The following MYO1E variants were observed in gnomAD, a reference collection of about 807,000 sequenced individuals.
MYO1E encodes the protein unconventional myosin-Ie.
Under a neutral mutation model 151.1 loss-of-function variants are expected in MYO1E, and 68 were observed. The observed-to-expected ratio is 0.45, with a 90% confidence interval of 0.37 to 0.55. The LOEUF is 0.55. Among genes scored for constraint, MYO1E ranks in the 20% least tolerant of loss-of-function variants. The pLI is 0.00. For missense variants in MYO1E, 1,363 were observed against 1,389.3 expected, an observed-to-expected ratio of 0.98 and a Z score of 0.30; for synonymous variants, 601 against 501.7, an observed-to-expected ratio of 1.20 and a Z score of -2.64.
intron 1 of MYO1E, chr15:59,341,253 A>G (rs1340735496): frequency 6.6e-6 from 1 of 152,138 alleles, no homozygotes; most frequent in Non-Finnish European, 1.5e-5. Flanking sequence ...TAAATGCACA[A>G]ATTATTATTG....
At chr15:59,324,618 G>A (rs2080650849) in intron 1 of MYO1E, among the ~76,000 whole-genome samples, 1 of 151,512 alleles carries the variant, frequency 6.6e-6, no homozygotes, top group African/African-American at 2.4e-5. Flanking sequence ...CTGAAACCCA[G>A]GTGGGAGAAA....
At chr15:59,163,103 T>C (rs1435273680) in intron 23 of MYO1E, 54 bp downstream of exon 23, 11 of 1,600,852 alleles carry the variant, frequency 6.9e-6, no homozygotes, top group Middle Eastern at 1.7e-4. Context: ...AGGGGTGCGA[T>C]CAAGACCCCT....
intron 24 of MYO1E, among the ~76,000 whole-genome samples, chr15:59,160,066 C>T (rs1463495885): frequency 6.6e-6 from 1 of 152,102 alleles, no homozygotes; most frequent in African/African-American, 2.4e-5. Flanking sequence ...AAACTCCTGA[C>T]CTCAGGTAGT....
intron 1 of MYO1E, among the ~76,000 whole-genome samples, chr15:59,331,139 A>C (rs1439554393): frequency 6.6e-6 from 1 of 152,158 alleles, no homozygotes; most frequent in East Asian, 1.9e-4. Flanking sequence ...GGCAGAGTTG[A>C]GTAGCTGTGA....
At chr15:59,139,390 T>G (rs1439783803) in intron 26 of MYO1E, among the ~76,000 whole-genome samples, 3 of 144,914 alleles carry the variant, frequency 2.1e-5, no homozygotes, top group African/African-American at 7.8e-5. Context: ...CTCATCACAC[T>G]TCCCTCCCAT....
chr15:59,222,986 A>G (rs537179140), intron 9 of MYO1E, 73 bp downstream of exon 9: 1 of 1,594,620 alleles, frequency 6.3e-7, no homozygotes, highest in East Asian at 2.2e-5. Flanking sequence ...ATCTAAGCAA[A>G]GGAAAGTGCT....
At chr15:59,344,343 G>A (rs1288641040) in intron 1 of MYO1E, among the ~76,000 whole-genome samples, 10 of 152,322 alleles carry the variant, frequency 6.6e-5, no homozygotes, top group African/African-American at 2.4e-4. Context: ...AGAGACTCTT[G>A]TTCTTTTCCT....
intron 1 of MYO1E, among the ~76,000 whole-genome samples, chr15:59,347,678 T>C (rs1330706045): frequency 6.6e-6 from 1 of 151,930 alleles, no homozygotes; most frequent in Non-Finnish European, 1.5e-5. Flanking sequence ...TAGAAACATA[T>C]GATAGATATG....
chr15:59,333,234 CTTTCTT>C lies in MYO1E; in HGVS notation c.3+39258_3+39263del, dbSNP rs201650961. On this transcript the variant is annotated intron_variant, in intron 1 of 27. Transcript: ENST00000288235. Reference sequence around the variant, plus strand: ...ATCCAGCTTCATCACTATCTACTTTCTTTCTTTTTCTTTTTCTTTTTTGGAGACAGG... The same window carrying C: ...ATCCAGCTTCATCACTATCTACTTTCTTTCTTTTTCTTTTTTGGAGACAGG... Among the ~76,000 whole-genome samples, 934 of 152,132 alleles carry C rather than the reference CTTTCTT, an allele frequency of 6.1e-3. 6 individuals are homozygous for C. Among genetic ancestry groups the C allele is most frequent in the African/African-American group, 0.022 (903 of 41,512 alleles).
chr15:59,146,130 C>A (rs534299489), intron 26 of MYO1E, among the ~76,000 whole-genome samples: 2 of 152,310 alleles, frequency 1.3e-5, no homozygotes, highest in South Asian at 4.1e-4. Context: ...GGCCATCCTC[C>A]TGCTTTAGCT....
intron 26 of MYO1E, among the ~76,000 whole-genome samples, chr15:59,140,101 C>T (rs1175558236): frequency 6.6e-6 from 1 of 151,792 alleles, no homozygotes; most frequent in African/African-American, 2.4e-5. Flanking sequence ...GGGGTGGGTG[C>T]GGGAGGCTGT....
chr15:59,359,718 G>A (rs1311227869), intron 1 of MYO1E: 6 of 152,244 alleles, frequency 3.9e-5, no homozygotes, highest in South Asian at 2.1e-4. Context: ...TGGGACTGTA[G>A]GGTGGGGAAC....
intron 1 of MYO1E, among the ~76,000 whole-genome samples, chr15:59,339,141 A>T (rs1250355322): frequency 3.9e-5 from 6 of 152,356 alleles, no homozygotes; most frequent in African/African-American, 1.4e-4. Flanking sequence ...CAAAAAAAGA[A>T]AATGTCAATG....
chr15:59,201,416 T>C (rs1201403758), intron 16 of MYO1E, among the ~76,000 whole-genome samples: 1 of 151,228 alleles, frequency 6.6e-6, no homozygotes, highest in East Asian at 1.9e-4. Flanking sequence ...TTTTTTTTTT[T>C]TTTTTGAGAT....
At position 59,135,271 on chromosome 15, in the gene MYO1E, C is replaced by T. The variant is rs1016617095; in HGVS notation, c.*2109G>A. ...TTTTGTGACCTAGAGCCCGATGGTT[C>T]CCAGTTACACACAAGTGTAAAATGC... On this transcript the variant is annotated 3_prime_UTR_variant, in exon 28 of 28. Coordinates refer to ENST00000288235, the MANE Select transcript of MYO1E (RefSeq NM_004998.4). The T allele has an allele frequency of 3.9e-5, 6 of 152,168 alleles. No homozygotes were observed. Among genetic ancestry groups the T allele is most frequent in the African/African-American group, 1.2e-4 (5 of 41,426 alleles). The allele number at this position is 152,168 out of a possible 1,614,324, so 9.4% of individuals were successfully genotyped here. A position where few individuals can be genotyped will look rare whatever the true frequency, so the allele number is the denominator to read the frequency against.
intron 1 of MYO1E, among the ~76,000 whole-genome samples, chr15:59,291,381 C>T (rs549747451): frequency 3.3e-5 from 5 of 152,002 alleles, no homozygotes; most frequent in African/African-American, 4.8e-5. Flanking sequence ...TCAAGTTCAC[C>T]GGAGTTAAAA....
At chr15:59,183,758 G>C (rs929823007) in intron 18 of MYO1E, among the ~76,000 whole-genome samples, 5 of 152,142 alleles carry the variant, frequency 3.3e-5, no homozygotes, top group African/African-American at 1.2e-4. Flanking sequence ...AGTTGTGCTA[G>C]GAAACACTAG....
At chr15:59,182,764 G>A (rs917888749) in intron 18 of MYO1E, among the ~76,000 whole-genome samples, 11 of 152,126 alleles carry the variant, frequency 7.2e-5, no homozygotes, top group Admixed American at 2.0e-4. Context: ...CATGGCACTC[G>A]AGACAGATCC....
chr15:59,270,547 A>C (rs1355453965), intron 2 of MYO1E, among the ~76,000 whole-genome samples: 1 of 151,632 alleles, frequency 6.6e-6, no homozygotes, highest in Non-Finnish European at 1.5e-5. Flanking sequence ...TGTCTTAAAA[A>C]AAAAAAAAAA....
Sources: gnomAD v4.1 joint callset for allele counts (sites outside exome capture counted in the v4.1 genomes callset) on GRCh38, gnomAD v4.1.1 for gene constraint, MANE v1.5 for transcripts, NCBI Gene and HGNC (gene_info 2026-07-23, HGNC 2026-07-21) for gene names.